The following WASF1 variants were observed in gnomAD, a reference collection of about 807,000 sequenced individuals.
WASF1 encodes actin-binding protein WASF1.
WASF1 carries 7 observed loss-of-function variants against 50.5 expected under a neutral mutation model. That is an observed-to-expected ratio of 0.14 (90% CI 0.08 to 0.26). WASF1 has a LOEUF of 0.26. Among genes scored for constraint, WASF1 ranks in the 10% least tolerant of loss-of-function variants. WASF1 has a pLI of 1.00. For synonymous variants in WASF1, 205 were observed against 244.0 expected (o/e 0.84, Z 1.49); for missense variants, 470 against 694.7 (o/e 0.68, Z 3.64).
chr6:110,137,100 C>T (rs1775003141), intron 3 of WASF1, among the ~76,000 whole-genome samples: 2 of 152,160 alleles, frequency 1.3e-5, no homozygotes, highest in Admixed American at 1.3e-4. Flanking sequence ...AAATATGTAT[C>T]TGCTGAATAA....
intron 3 of WASF1, among the ~76,000 whole-genome samples, chr6:110,135,048 A>C (rs1305913097): frequency 2.0e-5 from 3 of 152,082 alleles, no homozygotes; most frequent in Admixed American, 1.3e-4. Context: ...TTCTTTCAGC[A>C]GTGTTTTGTA....
Position 110,105,497 on chromosome 6 carries a change from G to C in WASF1, c.623C>G (p.Ala208Gly). Residue 208 changes from alanine to glycine, a missense_variant, in exon 8 of 11, where the codon GCC becomes GGC. Around this residue, in one of 3 missense-constraint regions of WASF1, gnomAD observed 140 missense variants for 260.5 expected, o/e 0.54. Coordinates refer to ENST00000392589, the MANE Select transcript of WASF1 (RefSeq NM_003931.3). ...HDRRREWQKL[A>G]QGPELAEDDA... The stretch of plus-strand genomic sequence containing the variant: ...ATCTTCAGCCAGCTCTGGACCTTGG[G>C]CCAGCTTCTGCCATTCTCGCCGCCT... 1 of 1,614,004 alleles carries C rather than the reference G, an allele frequency of 6.2e-7. No individual in the cohort carries two copies. The highest frequency in any genetic ancestry group is 2.2e-5 in the East Asian group (1 of 44,878).
chr6:110,127,309 T>A (rs1475033259), intron 4 of WASF1, among the ~76,000 whole-genome samples, 160 bp downstream of exon 4: 1 of 152,208 alleles, frequency 6.6e-6, no homozygotes, highest in Non-Finnish European at 1.5e-5. Flanking sequence ...GAGGTTCTTG[T>A]AAAACTCAAT....
chr6:110,139,341 C>T (rs1397514042), intron 3 of WASF1, among the ~76,000 whole-genome samples: 1 of 152,196 alleles, frequency 6.6e-6, no homozygotes, highest in Non-Finnish European at 1.5e-5. Flanking sequence ...CACAGGGCTC[C>T]CACCCCACCA....
intron 4 of WASF1, among the ~76,000 whole-genome samples, chr6:110,118,347 CAAAAAAAAAA>C (rs56948481): frequency 1.3e-4 from 1 of 7,474 alleles, no homozygotes; most frequent in Non-Finnish European, 2.6e-4. Context: ...AAACGGAAAG[CAAAAAAAAAA>C]AAAAAAAAAA....
intron 3 of WASF1, among the ~76,000 whole-genome samples, chr6:110,144,147 T>C (rs990797128): frequency 7.2e-5 from 11 of 152,350 alleles, no homozygotes; most frequent in Non-Finnish European, 1.2e-4. Context: ...TTTTTAATGA[T>C]TGCCATTCTA....
intron 2 of WASF1, among the ~76,000 whole-genome samples, chr6:110,171,049 T>C (rs1776692652): frequency 6.6e-6 from 1 of 152,082 alleles, no homozygotes; most frequent in East Asian, 1.9e-4. Flanking sequence ...TCAGTAACAA[T>C]ACAGTTGAAC....
At chr6:110,177,671 C>T (rs1184850613) in intron 2 of WASF1, among the ~76,000 whole-genome samples, 5 of 152,004 alleles carry the variant, frequency 3.3e-5, no homozygotes, top group Non-Finnish European at 5.9e-5. Context: ...CCTAACCAAG[C>T]AACTAATCCT....
At position 110,102,353 on chromosome 6, in the gene WASF1, A is replaced by G. The variant is rs73535805; in HGVS notation, c.894-137T>C. On this transcript the variant is annotated intron_variant, in intron 9 of 10. Coordinates refer to ENST00000392589, the MANE Select transcript of WASF1 (RefSeq NM_003931.3). ...TAACATGCTCCTATAGAAATTTAAC[A>G]TCTTCAACAGTATTTAGAAAAAAAA... 6.7e-3 allele frequency: 5,885 copies of G among 875,760 alleles called. 270 individuals carry two copies. In the African/African-American group the frequency reaches 0.094, roughly 14 times the overall value. The allele number at this position is 875,760 out of a possible 1,614,324, so 54.2% of individuals were successfully genotyped here.
chr6:110,169,660 T>G (rs541754260), intron 2 of WASF1, among the ~76,000 whole-genome samples: 1 of 152,274 alleles, frequency 6.6e-6, no homozygotes, highest in South Asian at 2.1e-4. Context: ...TCCCATTTTT[T>G]CATTACATCT....
intron 3 of WASF1, among the ~76,000 whole-genome samples, chr6:110,138,709 T>C (rs937994267): frequency 6.6e-6 from 1 of 152,190 alleles, no homozygotes; most frequent in African/African-American, 2.4e-5. Context: ...CTGCAGCTAG[T>C]AGTCCCAATG....
chr6:110,144,545 A>G (rs1053791981), intron 3 of WASF1, among the ~76,000 whole-genome samples: 3 of 152,196 alleles, frequency 2.0e-5, no homozygotes, highest in Non-Finnish European at 2.9e-5. Flanking sequence ...GCCCATGCCT[A>G]TGTCCTGAAT....
At chr6:110,141,160 G>C (rs981641058) in intron 3 of WASF1, among the ~76,000 whole-genome samples, 6 of 152,094 alleles carry the variant, frequency 3.9e-5, no homozygotes, top group African/African-American at 1.4e-4. Context: ...TTTGAATCTG[G>C]AAATGTCCTT....
chr6:110,174,531 T>A (rs1562193441), intron 2 of WASF1, among the ~76,000 whole-genome samples: 1 of 152,140 alleles, frequency 6.6e-6, no homozygotes, highest in Non-Finnish European at 1.5e-5. Flanking sequence ...CAGAAACTTA[T>A]CAGTAAAAGG....
intron 3 of WASF1, among the ~76,000 whole-genome samples, chr6:110,149,026 G>T (rs1775705054): frequency 6.6e-6 from 1 of 152,134 alleles, no homozygotes. Flanking sequence ...TATCCACAAA[G>T]TCTATGGGAT....
chr6:110,139,271 G>A (rs540412954), intron 3 of WASF1, among the ~76,000 whole-genome samples: 1 of 152,340 alleles, frequency 6.6e-6, no homozygotes, highest in South Asian at 2.1e-4. Context: ...AGGCCCCCAA[G>A]AGCACGGGGA....
intron 2 of WASF1, among the ~76,000 whole-genome samples, chr6:110,172,786 G>A (rs1436643799): frequency 2.0e-5 from 3 of 152,066 alleles, no homozygotes; most frequent in Admixed American, 2.0e-4. Flanking sequence ...TCTGAAGAGT[G>A]GAAGGATAGA....
intron 3 of WASF1, among the ~76,000 whole-genome samples, chr6:110,140,919 A>G (rs999959645): frequency 1.3e-5 from 2 of 152,240 alleles, no homozygotes; most frequent in African/African-American, 4.8e-5. Flanking sequence ...ATGACCAATG[A>G]GAAGGAAGCA....
At chr6:110,146,587 C>G (rs920081405) in intron 3 of WASF1, among the ~76,000 whole-genome samples, 2 of 151,616 alleles carry the variant, frequency 1.3e-5, no homozygotes, top group African/African-American at 4.8e-5. Context: ...TTATACAAAA[C>G]CACAGGTCTT....
Sources: allele counts gnomAD v4.1 joint callset (sites outside exome capture counted in the v4.1 genomes callset), GRCh38; gene constraint gnomAD v4.1.1; regional missense constraint gnomAD v4.1.1; transcripts MANE v1.5; gene names NCBI Gene and HGNC (gene_info 2026-07-23, HGNC 2026-07-21).